The following SLC6A17 variants were observed in gnomAD, a reference collection of about 807,000 sequenced individuals.
The protein encoded by SLC6A17 is sodium-dependent neutral amino acid transporter SLC6A17.
A neutral mutation model predicts 64.5 loss-of-function variants in SLC6A17; 21 were observed. The ratio of observed to expected loss-of-function variants is 0.33; its 90% CI spans 0.23 to 0.47. SLC6A17 has a LOEUF of 0.47. Among genes scored for constraint, SLC6A17 ranks in the 20% least tolerant of loss-of-function variants. The pLI, the probability that SLC6A17 is intolerant of heterozygous loss-of-function variation, is 1.00. For synonymous variants in SLC6A17, 372 were observed against 399.5 expected (o/e 0.93, Z 0.82); for missense variants, 682 against 963.2 (o/e 0.71, Z 3.86).
Position 110,174,852 on chromosome 1 carries a change from C to T in SLC6A17, c.645C>T (p.Asp215=). 1 of 1,614,224 alleles carries T rather than the reference C, an allele frequency of 6.2e-7. No homozygotes were observed. The highest frequency in any genetic ancestry group is 8.5e-7 in the Non-Finnish European group (1 of 1,180,032). ...ACCGAGAGGCCTTGGACATCTCTGA[C>T]TCCATCTCGGAGAGTGGGGGCCTCA... ...FWYREALDIS[D]SISESGGLNW... is the part of the protein sequence containing the mutation. The change falls in exon 5 of 12, where the codon GAC becomes GAT. Residue 215 remains aspartate, a synonymous_variant. Transcript: ENST00000331565.
intron 2 of SLC6A17, among the ~76,000 whole-genome samples, chr1:110,168,500 C>T (rs1383120360): frequency 6.6e-6 from 1 of 152,194 alleles, no homozygotes; most frequent in Admixed American, 6.5e-5. Flanking sequence ...GCTGCATGGT[C>T]TCCTTGCTTG....
intron 1 of SLC6A17, among the ~76,000 whole-genome samples, chr1:110,154,163 T>G (rs748468791): frequency 3.2e-4 from 49 of 152,228 alleles, no homozygotes; most frequent in Non-Finnish European, 6.6e-4. Flanking sequence ...AAGTGCTTTA[T>G]TCCCAGACCA....
At chr1:110,153,231 C>G (rs986653654) in intron 1 of SLC6A17, among the ~76,000 whole-genome samples, 2 of 152,144 alleles carry the variant, frequency 1.3e-5, no homozygotes, top group Admixed American at 1.3e-4. Context: ...TCTCTTTGTT[C>G]AGGTCTTACC....
At chr1:110,194,531 C>T in intron 8 of SLC6A17, 48 bp from the exon 9 acceptor site, 1 of 1,593,082 alleles carries the variant, frequency 6.3e-7, no homozygotes, top group Non-Finnish European at 8.6e-7. Flanking sequence ...CAGTGGGCTC[C>T]CCAGGGAGGG....
intron 1 of SLC6A17, among the ~76,000 whole-genome samples, chr1:110,159,055 C>T (rs1655831806): frequency 6.6e-6 from 1 of 152,134 alleles, no homozygotes; most frequent in South Asian, 2.1e-4. Flanking sequence ...ATGGGAGTAA[C>T]AGTGGTATCT....
At chr1:110,152,359 A>G (rs189838998) in intron 1 of SLC6A17, among the ~76,000 whole-genome samples, 8 of 152,336 alleles carry the variant, frequency 5.3e-5, no homozygotes, top group Non-Finnish European at 5.9e-5. Flanking sequence ...CAGGAGGCAA[A>G]TGGTGCCCAC....
At position 110,167,351 on chromosome 1, in the gene SLC6A17, C is replaced by T. The variant is rs975718927; in HGVS notation, c.286+136C>T. ...GCTCAGGATTCCAGAGTAAGACAGC[C>T]CAGGAATAGCTATAATGATGGTTAG... On this transcript the variant is annotated intron_variant, in intron 2 of 11. Transcript: ENST00000331565. The T allele has an allele frequency of 6.9e-5, 75 of 1,094,190 alleles. No individual in the cohort carries two copies. In the African/African-American group the frequency reaches 1.0e-3, roughly 15 times the overall value. The allele number at this position is 1,094,190 out of a possible 1,614,324, so 67.8% of individuals were successfully genotyped here. A position where few individuals can be genotyped will look rare whatever the true frequency, so the allele number is the denominator to read the frequency against.
intron 6 of SLC6A17, chr1:110,178,021 T>C (rs965262087): frequency 6.6e-6 from 1 of 152,340 alleles, no homozygotes; most frequent in Admixed American, 6.5e-5. Context: ...TCCTGAGCCA[T>C]GTGGCTGGCC....
intron 1 of SLC6A17, among the ~76,000 whole-genome samples, chr1:110,159,156 T>C (rs370422231): frequency 1.4e-4 from 22 of 152,330 alleles, no homozygotes; most frequent in African/African-American, 5.1e-4. Flanking sequence ...TCAAGAATTA[T>C]GGCCTATGTG....
At position 110,198,599 on chromosome 1, in the gene SLC6A17, T is replaced by A; in HGVS notation, c.*155T>A. On this transcript the variant is annotated 3_prime_UTR_variant, in exon 12 of 12. Coordinates refer to ENST00000331565, the MANE Select transcript of SLC6A17 (RefSeq NM_001010898.4). ...GCCTCACTCCCCTCTTCAGTCCCAG[T>A]AGACTCTGCTCCCTAGCCCTGAGCA... 2 of 1,280,644 alleles carry A rather than the reference T, an allele frequency of 1.6e-6. No individual in the cohort carries two copies. Among genetic ancestry groups the A allele is most frequent in the Non-Finnish European group, 1.1e-6 (1 of 943,754 alleles). 79.3% of individuals were successfully genotyped at this position (1,280,644 alleles called of 1,614,324 possible).
chr1:110,170,999 A>G (rs1656209674), intron 2 of SLC6A17, among the ~76,000 whole-genome samples: 1 of 152,162 alleles, frequency 6.6e-6, no homozygotes, highest in South Asian at 2.1e-4. Flanking sequence ...CTCAGAGTGG[A>G]CCTGCAGTAA....
intron 1 of SLC6A17, among the ~76,000 whole-genome samples, chr1:110,152,252 T>A (rs1655630248): frequency 6.6e-6 from 1 of 152,184 alleles, no homozygotes; most frequent in African/African-American, 2.4e-5. Flanking sequence ...AGGCTTTAGC[T>A]CCACTGCCGG....
intron 6 of SLC6A17, among the ~76,000 whole-genome samples, chr1:110,180,633 A>G (rs375455141): frequency 8.5e-5 from 13 of 152,296 alleles, no homozygotes; most frequent in African/African-American, 2.6e-4. Flanking sequence ...CTACTGTTGC[A>G]GAGCTGTGAC....
Position 110,198,644 on chromosome 1 carries a change from G to C in SLC6A17, c.*200G>C. 2 of 910,752 alleles carry C rather than the reference G, an allele frequency of 2.2e-6. No homozygotes were observed. The highest frequency in any genetic ancestry group is 3.2e-5 in the Admixed American group (1 of 31,736). The allele number at this position is 910,752 out of a possible 1,614,324, so 56.4% of individuals were successfully genotyped here. On this transcript the variant is annotated 3_prime_UTR_variant, in exon 12 of 12. Coordinates refer to ENST00000331565, the MANE Select transcript of SLC6A17 (RefSeq NM_001010898.4). Reference sequence around the variant, plus strand: ...TGAGCAGGAGGCTGGGAGCAGCTCTGTTTCCTAATTCAGGACCCCACTCAT... The same window carrying C: ...TGAGCAGGAGGCTGGGAGCAGCTCTCTTTCCTAATTCAGGACCCCACTCAT...
Position 110,162,086 on chromosome 1 carries a change from C to T in SLC6A17, c.-87-4757C>T, listed in dbSNP as rs111895042. ...CCTTCTCGGCACTCGTGCCCCTCTG[C>T]GCTGTGCTTTCAGGGATGGAGGCAC... On this transcript the variant is annotated intron_variant, in intron 1 of 11. Coordinates refer to ENST00000331565, the MANE Select transcript of SLC6A17 (RefSeq NM_001010898.4). Among the ~76,000 whole-genome samples the T allele has an allele frequency of 1.4e-3, 213 of 152,380 alleles. 3 individuals carry two copies. The highest frequency in any genetic ancestry group is 0.011 in the Admixed American group (176 of 15,308).
intron 8 of SLC6A17, among the ~76,000 whole-genome samples, chr1:110,193,514 G>A (rs147848396): frequency 2.5e-3 from 386 of 152,362 alleles, no homozygotes; most frequent in Non-Finnish European, 4.4e-3. Context: ...GCTCACATGG[G>A]GCGGAGCCAG....
rs1235789624 is a variant in SLC6A17 at position 110,198,067 on chromosome 1, C to T, written c.1816-9C>T. The T allele has an allele frequency of 1.2e-6, 2 of 1,605,094 alleles. No homozygotes were observed. The highest frequency in any genetic ancestry group is 3.3e-5 in the Admixed American group (2 of 59,744). On this transcript the variant is annotated splice_polypyrimidine_tract_variant and intron_variant, in intron 11 of 11. Transcript: ENST00000331565. ...GCCGGCAGCAGCCCTTAAGGCAGCC[C>T]ACCCGCAGGCTGCCGAGCGCTACCT...
Position 110,184,005 on chromosome 1 carries a change from C to T in SLC6A17, c.864+7266C>T, listed in dbSNP as rs75389873. On this transcript the variant is annotated intron_variant, in intron 6 of 11. Coordinates refer to ENST00000331565, the MANE Select transcript of SLC6A17 (RefSeq NM_001010898.4). ...AGTGGACTCTCTAGCATGGAGATCG[C>T]CAACACTTCCGCAACTCCAAGATAG... Among the ~76,000 whole-genome samples, 558 of 152,190 alleles carry T rather than the reference C, an allele frequency of 3.7e-3. 2 individuals are homozygous for T. The highest frequency in any genetic ancestry group is 0.013 in the African/African-American group (533 of 41,480).
intron 6 of SLC6A17, among the ~76,000 whole-genome samples, chr1:110,188,265 G>T (rs1656735447): frequency 1.3e-5 from 2 of 152,146 alleles, no homozygotes; most frequent in African/African-American, 4.8e-5. Flanking sequence ...AAGGAACCGT[G>T]GGCCTGTATT....
Sources: allele counts gnomAD v4.1 joint callset (sites outside exome capture counted in the v4.1 genomes callset), GRCh38; gene constraint gnomAD v4.1.1; transcripts MANE v1.5; gene names NCBI Gene and HGNC (gene_info 2026-07-23, HGNC 2026-07-21).